The following CHAT variants were observed in gnomAD, a reference collection of about 807,000 sequenced individuals.
CHAT encodes choline O-acetyltransferase, also known as acetyl CoA:choline O-acetyltransferase.
A neutral mutation model predicts 76.9 loss-of-function variants in CHAT; 61 were observed. The ratio of observed to expected loss-of-function variants is 0.79; its 90% CI spans 0.65 to 0.98. The LOEUF (loss-of-function observed/expected upper bound fraction) is 0.98. Ranked by LOEUF, CHAT falls within the 50% of genes least tolerant of loss-of-function variation. The pLI is 0.00. For missense variants in CHAT, 946 were observed against 986.9 expected (o/e 0.96, Z 0.56); for synonymous variants, 407 against 397.4 (o/e 1.02, Z -0.29).
chr10:49,617,396 G>T (rs988775555), intron 2 of CHAT, among the ~76,000 whole-genome samples: 4 of 152,196 alleles, frequency 2.6e-5, no homozygotes, highest in Non-Finnish European at 5.9e-5. Flanking sequence ...GTCCAGCCCA[G>T]GATCTGACTC....
intron 3 of CHAT, 127 bp downstream of exon 3, chr10:49,620,043 G>A (rs1590562205): frequency 2.8e-5 from 27 of 951,486 alleles, no homozygotes; most frequent in Non-Finnish European, 4.3e-5. Flanking sequence ...ACAGGGATGG[G>A]GGATAGGTGT....
intron 11 of CHAT, among the ~76,000 whole-genome samples, chr10:49,652,931 T>C (rs1437903975): frequency 6.6e-6 from 1 of 151,954 alleles, no homozygotes; most frequent in Non-Finnish European, 1.5e-5. Context: ...CACCCCCTTA[T>C]CTAAAGCAGC....
At chr10:49,621,605 A>T (rs1304476532) in intron 4 of CHAT, among the ~76,000 whole-genome samples, 1 of 152,094 alleles carries the variant, frequency 6.6e-6, no homozygotes, top group Admixed American at 6.5e-5. Flanking sequence ...AAAATTTTCC[A>T]CAAGGCCAGG....
At chr10:49,618,027 C>T (rs1020744746) in intron 2 of CHAT, among the ~76,000 whole-genome samples, 2 of 152,150 alleles carry the variant, frequency 1.3e-5, no homozygotes, top group African/African-American at 4.8e-5. Flanking sequence ...TGGGGAGGAA[C>T]CCTTTACTGT....
chr10:49,611,022 G>C (rs371337298), upstream of CHAT: 1 of 1,613,734 alleles, frequency 6.2e-7, no homozygotes, highest in Admixed American at 1.7e-5. Context: ...GCGCCTACAC[G>C]GCCAACACCT....
intron 3 of CHAT, 119 bp downstream of exon 3, chr10:49,620,035 A>C: frequency 1.0e-6 from 1 of 1,002,028 alleles, no homozygotes; most frequent in Non-Finnish European, 1.5e-6. Context: ...GATGAGGGAC[A>C]GGGATGGGGG....
chr10:49,662,914 C>A, intron 14 of CHAT, 132 bp downstream of exon 14: 1 of 1,132,574 alleles, frequency 8.8e-7, no homozygotes, highest in Non-Finnish European at 1.3e-6. Flanking sequence ...TGATCTTCAG[C>A]AAAATGATCT....
At chr10:49,611,484 A>C, upstream of CHAT, 1 of 1,599,770 alleles carries the variant, frequency 6.3e-7, no homozygotes, top group Non-Finnish European at 8.5e-7. Context: ...TCTTGGTGCT[A>C]GCTGCCGTGT....
chr10:49,664,624 T>A (rs1840295706), intron 14 of CHAT, among the ~76,000 whole-genome samples, 153 bp from the exon 15 acceptor site: 1 of 152,216 alleles, frequency 6.6e-6, no homozygotes, highest in Non-Finnish European at 1.5e-5. Context: ...GGTCTGTTTT[T>A]ATGACTCTGG....
Position 49,664,977 on chromosome 10 carries a change from G to A in CHAT, c.2178G>A (p.Pro726=), listed in dbSNP as rs77144546. The change falls in exon 15 of 15, where the codon CCG becomes CCA. Residue 726 remains proline (P), a synonymous_variant. Transcript: ENST00000337653. ...IDMRDLCSLL[P]PTESKPLATK... ...TGAGAGACCTCTGCAGTCTGCTGCC[G>A]CCTACTGAGAGCAAGCCATTGGCAA... is the stretch of plus-strand genomic sequence containing the variant. 3.3e-4 allele frequency: 525 copies of A among 1,614,100 alleles called. No homozygotes were observed. Among genetic ancestry groups the A allele is most frequent in the Middle Eastern group, 6.6e-4 (4 of 6,082 alleles).
intron 7 of CHAT, among the ~76,000 whole-genome samples, chr10:49,643,071 C>T (rs909701177): frequency 2.0e-5 from 3 of 152,224 alleles, no homozygotes; most frequent in African/African-American, 7.2e-5. Context: ...TCCGTGTTTA[C>T]AAGAGAAACC....
chr10:49,627,429 T>C (rs1379211430), intron 6 of CHAT, among the ~76,000 whole-genome samples, 179 bp from the exon 7 acceptor site: 1 of 152,214 alleles, frequency 6.6e-6, no homozygotes, highest in East Asian at 1.9e-4. Flanking sequence ...GGGGGCAGCG[T>C]GGAATCCAGC....
Position 49,616,550 on chromosome 10 carries a change from T to G in CHAT, c.335T>G (p.Leu112Arg). 6.2e-7 allele frequency: 1 copy of G among 1,613,268 alleles called. No homozygotes were observed. The change falls in exon 2 of 15, where the codon CTG (leucine) becomes CGG (arginine). Residue 112 changes from leucine (L) to arginine (R), a missense_variant. By Grantham distance (102) the Leu-to-Arg change is moderately radical. Coordinates refer to ENST00000337653, the MANE Select transcript of CHAT (RefSeq NM_020549.5). ...PAPGLTKTPI[L>R]EKVPRKMAAK... ...CCAGGACTCACCAAGACGCCCATCC[T>G]GGAAAAGGTCCCCCGTAAGATGGCA...
intron 7 of CHAT, among the ~76,000 whole-genome samples, chr10:49,639,918 G>A (rs377353511): frequency 2.0e-4 from 31 of 152,144 alleles, no homozygotes; most frequent in African/African-American, 3.4e-4. Context: ...GTGTTATTCC[G>A]TCTTCAAGTT....
At chr10:49,657,957 T>A (rs1840082600) in intron 13 of CHAT, among the ~76,000 whole-genome samples, 1 of 152,240 alleles carries the variant, frequency 6.6e-6, no homozygotes, top group South Asian at 2.1e-4. Flanking sequence ...CATACATAAA[T>A]CTTCTAATCA....
intron 7 of CHAT, among the ~76,000 whole-genome samples, chr10:49,640,776 C>A (rs1839453411): frequency 6.6e-6 from 1 of 152,172 alleles, no homozygotes; most frequent in African/African-American, 2.4e-5. Flanking sequence ...ACGCTTATTA[C>A]CTAAAAGTTT....
upstream of CHAT, chr10:49,610,971 G>A (rs1838277834): frequency 6.2e-7 from 1 of 1,611,558 alleles, no homozygotes; most frequent in Non-Finnish European, 8.5e-7. Flanking sequence ...CTCCCGAGGT[G>A]TGGGAGCCCA....
At chr10:49,615,475 ACT>A (rs2132698810) in intron 1 of CHAT, among the ~76,000 whole-genome samples, 1 of 151,574 alleles carries the variant, frequency 6.6e-6, no homozygotes, top group East Asian at 2.0e-4. Flanking sequence ...ATCTTTCTGG[ACT>A]CTCTGTTCCT....
intron 7 of CHAT, among the ~76,000 whole-genome samples, chr10:49,644,099 G>T (rs1839579908): frequency 6.6e-6 from 1 of 152,228 alleles, no homozygotes; most frequent in Admixed American, 6.5e-5. Flanking sequence ...GAGGCCACGT[G>T]CTCAGGGTGT....
Sources: gnomAD v4.1 joint callset for allele counts (sites outside exome capture counted in the v4.1 genomes callset) on GRCh38, gnomAD v4.1.1 for gene constraint, MANE v1.5 for transcripts, NCBI Gene and HGNC (gene_info 2026-07-23, HGNC 2026-07-21) for gene names.